TRIM5: variants seen among roughly 807,000 people sequenced by gnomAD.
The protein encoded by TRIM5 is tripartite motif-containing protein 5.
In TRIM5, 31 loss-of-function variants were observed where a neutral mutation model predicts 35.6. The ratio of observed to expected loss-of-function variants is 0.87; its 90% CI spans 0.65 to 1.18. TRIM5 has a LOEUF of 1.18. Ranked by LOEUF, TRIM5 falls within the 50% of genes most tolerant of loss-of-function variation. The probability of loss-of-function intolerance (pLI) is 0.00; values close to 1 mark genes in which losing one functional copy is unlikely to be tolerated. For synonymous variants in TRIM5, 243 were observed against 215.6 expected, an observed-to-expected ratio of 1.13 and a Z score of -1.11; for missense variants, 609 against 591.6, an observed-to-expected ratio of 1.03 and a Z score of -0.31.
the TRIM5 span, chr11:5,626,613 T>G: frequency 6.6e-6 from 1 of 152,088 alleles, no homozygotes; most frequent in African/African-American, 2.4e-5. Flanking sequence ...GGCGCGGTGG[T>G]TCACGCTTGT....
chr11:5,593,016 C>G, the TRIM5 span, among the ~76,000 whole-genome samples: 1 of 150,944 alleles, frequency 6.6e-6, no homozygotes, highest in Non-Finnish European at 1.5e-5. Flanking sequence ...AGGAAAGGAC[C>G]AAAAAAATGC....
the TRIM5 span, chr11:5,641,174 G>C: frequency 6.2e-7 from 1 of 1,613,554 alleles, no homozygotes; most frequent in Admixed American, 1.7e-5. Context: ...TAGGACATGA[G>C]TGGAATCATG....
the TRIM5 span, chr11:5,605,550 A>G: frequency 7.4e-6 from 12 of 1,613,804 alleles, no homozygotes; most frequent in Middle Eastern, 3.3e-4. Context: ...TCAGGGGTCA[A>G]CAATGGAGCT....
chr11:5,604,810 T>A, the TRIM5 span: 1 of 587,130 alleles, frequency 1.7e-6, no homozygotes. Flanking sequence ...AAATAGCAAA[T>A]ATATCAAAAC....
At chr11:5,656,374 GAA>G in the TRIM5 span, among the ~76,000 whole-genome samples, 1 of 135,906 alleles carries the variant, frequency 7.4e-6, no homozygotes, top group Non-Finnish European at 1.6e-5. Context: ...TTTTTTTTGA[GAA>G]AGAGTTTTGC....
chr11:5,618,468 A>C, the TRIM5 span, among the ~76,000 whole-genome samples: 79 of 152,370 alleles, frequency 5.2e-4, 1 homozygote, highest in East Asian at 5.8e-3. Flanking sequence ...TATTACTCAT[A>C]AATGATATAA....
intron 4 of TRIM5, among the ~76,000 whole-genome samples, chr11:5,668,358 A>C (rs1229764682): frequency 6.6e-6 from 1 of 152,232 alleles, no homozygotes; most frequent in Non-Finnish European, 1.5e-5. Context: ...CATTTTGAAG[A>C]ATCAAAGATG....
the TRIM5 span, among the ~76,000 whole-genome samples, chr11:5,631,039 C>G: frequency 3.3e-5 from 5 of 152,342 alleles, no homozygotes; most frequent in East Asian, 9.7e-4. Flanking sequence ...GGACATCTCT[C>G]TCATGGCCAA....
the TRIM5 span, chr11:5,632,895 C>T: frequency 1.5e-5 from 17 of 1,160,302 alleles, no homozygotes; most frequent in East Asian, 2.9e-4. Context: ...GGCGTGCTCT[C>T]GGCTCACTGC....
chr11:5,676,285 A>G (rs1851973913), intron 4 of TRIM5, among the ~76,000 whole-genome samples: 1 of 152,134 alleles, frequency 6.6e-6, no homozygotes, highest in Admixed American at 6.5e-5. Flanking sequence ...AATGTACAAA[A>G]ATCACAAGCA....
chr11:5,600,691 G>C, the TRIM5 span, among the ~76,000 whole-genome samples: 1 of 87,634 alleles, frequency 1.1e-5, no homozygotes, highest in Non-Finnish European at 2.5e-5. Context: ...AGGCCCACAC[G>C]GACTGTTTTT....
the TRIM5 span, chr11:5,642,333 T>C: frequency 1.4e-6 from 2 of 1,387,342 alleles, no homozygotes; most frequent in East Asian, 2.3e-5. Context: ...GTGAAGGAGA[T>C]GAAACCAGTG....
chr11:5,595,721 T>TTC, the TRIM5 span, among the ~76,000 whole-genome samples: 1 of 90,672 alleles, frequency 1.1e-5, no homozygotes, highest in Non-Finnish European at 2.6e-5. Context: ...TCAAAAATTC[T>TTC]TTTTTTTTTT....
intron 4 of TRIM5, among the ~76,000 whole-genome samples, chr11:5,671,608 A>T (rs55652931): frequency 0.15 from 22,112 of 151,990 alleles, 2,444 homozygotes; most frequent in East Asian, 0.44. Flanking sequence ...GAAAAGCTGC[A>T]TCAATAAAAA....
At chr11:5,592,909 T>A in the TRIM5 span, among the ~76,000 whole-genome samples, 2 of 121,122 alleles carry the variant, frequency 1.7e-5, no homozygotes, top group African/African-American at 3.3e-5. Context: ...AGAGTGAGAT[T>A]GTCTCAAAAA....
At chr11:5,608,920 G>A in the TRIM5 span, among the ~76,000 whole-genome samples, 16 of 138,598 alleles carry the variant, frequency 1.2e-4, no homozygotes, top group East Asian at 2.1e-4. Context: ...GTGTGATCTC[G>A]GCTCACTGCA....
chr11:5,598,074 T>A, the TRIM5 span, among the ~76,000 whole-genome samples: 1 of 152,202 alleles, frequency 6.6e-6, no homozygotes, highest in East Asian at 1.9e-4. Context: ...ATTTGGGCTC[T>A]TTCTTCTGCT....
At chr11:5,643,706 T>A in the TRIM5 span, 2 of 1,573,426 alleles carry the variant, frequency 1.3e-6, no homozygotes, top group Non-Finnish European at 1.7e-6. Context: ...CACCAAGCTC[T>A]TGAATTTTCT....
intron 4 of TRIM5, among the ~76,000 whole-genome samples, chr11:5,672,183 T>C (rs1042761279): frequency 6.6e-6 from 1 of 152,182 alleles, no homozygotes; most frequent in African/African-American, 2.4e-5. Context: ...AATTTGTTGC[T>C]GGAAGATGGA....
Sources: allele counts gnomAD v4.1 joint callset (sites outside exome capture counted in the v4.1 genomes callset), GRCh38; gene constraint gnomAD v4.1.1; transcripts MANE v1.5; gene names NCBI Gene and HGNC (gene_info 2026-07-23, HGNC 2026-07-21).